Variants in IQANK1 observed in about 807,000 individuals in gnomAD.
IQANK1 encodes the protein IQ motif and ankyrin repeat domain-containing protein 1.
IQANK1 carries 30 observed loss-of-function variants against 22.6 expected under a neutral mutation model. The observed-to-expected ratio is 1.33, with a 90% confidence interval of 0.99 to 1.80. The LOEUF (loss-of-function observed/expected upper bound fraction) is 1.80, where lower values mean the gene tolerates loss of function less well. Among genes scored for constraint, IQANK1 ranks in the 40% most tolerant of loss-of-function variants. The pLI is 0.00. For missense variants in IQANK1, 275 were observed against 235.2 expected (o/e 1.17, Z -1.11); for synonymous variants, 122 against 99.6 (o/e 1.23, Z -1.34).
chr8:143,773,716 C>G (rs564984195), intron 7 of IQANK1, among the ~76,000 whole-genome samples: 1 of 152,338 alleles, frequency 6.6e-6, no homozygotes, highest in South Asian at 2.1e-4. Context: ...GCCTGGGAGC[C>G]TGTCCTGCCC....
chr8:143,754,869 G>A (rs553632070), intron 3 of IQANK1, among the ~76,000 whole-genome samples: 4 of 152,084 alleles, frequency 2.6e-5, no homozygotes, highest in Non-Finnish European at 4.4e-5. Context: ...TTCATGATCC[G>A]CCCACCTCGG....
intron 2 of IQANK1, among the ~76,000 whole-genome samples, chr8:143,737,735 G>A (rs1818779912): frequency 6.6e-6 from 1 of 152,162 alleles, no homozygotes; most frequent in Non-Finnish European, 1.5e-5. Flanking sequence ...GTGTACCCAG[G>A]CCTGCTCCTC....
intron 3 of IQANK1, among the ~76,000 whole-genome samples, chr8:143,770,902 C>T (rs1267531907): frequency 3.9e-5 from 6 of 152,242 alleles, no homozygotes; most frequent in Non-Finnish European, 7.3e-5. Context: ...CAGCGCTGAG[C>T]CCGACGCCCT....
intron 3 of IQANK1, among the ~76,000 whole-genome samples, chr8:143,755,246 T>A (rs1819269487): frequency 6.6e-6 from 1 of 152,214 alleles, no homozygotes; most frequent in South Asian, 2.1e-4. Context: ...CAGCTCCTCT[T>A]GAGCCAGGAC....
At chr8:143,762,939 TC>T (rs1819421109) in intron 3 of IQANK1, among the ~76,000 whole-genome samples, 1 of 150,772 alleles carries the variant, frequency 6.6e-6, no homozygotes, top group African/African-American at 2.5e-5. Flanking sequence ...CTCCCTCTTT[TC>T]TTTTTTTTTC....
intron 3 of IQANK1, among the ~76,000 whole-genome samples, chr8:143,756,448 G>A (rs1459818518): frequency 1.3e-5 from 2 of 152,044 alleles, no homozygotes; most frequent in African/African-American, 4.8e-5. Context: ...GGAGCACCCC[G>A]TGTCACAGGC....
At chr8:143,738,464 G>C (rs1455254555) in intron 2 of IQANK1, among the ~76,000 whole-genome samples, 4 of 152,190 alleles carry the variant, frequency 2.6e-5, no homozygotes, top group African/African-American at 9.6e-5. Context: ...CCACTCGGTG[G>C]GGCCAGGCCA....
At chr8:143,764,362 C>T (rs908483512) in intron 3 of IQANK1, among the ~76,000 whole-genome samples, 3 of 151,892 alleles carry the variant, frequency 2.0e-5, no homozygotes, top group African/African-American at 4.8e-5. Flanking sequence ...TGCCTTAAAC[C>T]CCAGCACTCT....
chr8:143,734,599 T>G (rs1818672346), intron 1 of IQANK1, among the ~76,000 whole-genome samples: 1 of 150,654 alleles, frequency 6.6e-6, no homozygotes. Flanking sequence ...CCCATGCCAG[T>G]CACCCACGAA....
intron 3 of IQANK1, among the ~76,000 whole-genome samples, chr8:143,751,679 A>AT (rs1563771608): frequency 0.018 from 547 of 31,014 alleles, 19 homozygotes; most frequent in Admixed American, 0.17. Context: ...TATATATATA[A>AT]AATCCTATAC....
chr8:143,747,766 A>T (rs1819058420), intron 3 of IQANK1, among the ~76,000 whole-genome samples: 2 of 152,110 alleles, frequency 1.3e-5, no homozygotes, highest in Admixed American at 1.3e-4. Flanking sequence ...GCGTGATTTT[A>T]AAAAATCTAT....
chr8:143,735,361 A>G lies in IQANK1; in HGVS notation c.-4-489A>G, dbSNP rs971243083. Among the ~76,000 whole-genome samples, 28 of 152,116 alleles carry G rather than the reference A, an allele frequency of 1.8e-4. No homozygotes were observed. The highest frequency in any genetic ancestry group is 6.8e-4 in the African/African-American group (28 of 41,424). On this transcript the variant is annotated intron_variant, in intron 1 of 13. Coordinates refer to ENST00000527139, the MANE Select transcript of IQANK1 (RefSeq NM_001381874.1). This position sits in a 1 kb window ranked among gnomAD's most constrained non-coding sequence, Gnocchi z 5.2. Reference sequence around the variant, plus strand: ...CACCATCTGCCAGAGCCGGGACCACATAAGGTCTGAGGGTGTGGAGGGGTG... The same window carrying G: ...CACCATCTGCCAGAGCCGGGACCACGTAAGGTCTGAGGGTGTGGAGGGGTG...
chr8:143,782,049 C>A (rs1441286106), intron 7 of IQANK1, among the ~76,000 whole-genome samples: 1 of 152,038 alleles, frequency 6.6e-6, no homozygotes, highest in African/African-American at 2.4e-5. Context: ...AGCTGTATTC[C>A]TAGGTATTTT....
At chr8:143,780,751 T>C (rs960064811) in intron 7 of IQANK1, among the ~76,000 whole-genome samples, 5 of 152,216 alleles carry the variant, frequency 3.3e-5, no homozygotes, top group Non-Finnish European at 7.3e-5. Flanking sequence ...GTTGAGTCCA[T>C]GTCTTTGCTA....
intron 3 of IQANK1, among the ~76,000 whole-genome samples, chr8:143,747,359 A>C (rs992107632): frequency 1.3e-5 from 2 of 151,810 alleles, no homozygotes; most frequent in South Asian, 2.1e-4. Flanking sequence ...TATATTCTCT[A>C]TTTTGTCTAT....
chr8:143,772,293 C>T, intron 6 of IQANK1, 50 bp downstream of exon 6: 1 of 398,420 alleles, frequency 2.5e-6, no homozygotes, highest in Non-Finnish European at 4.4e-6. Context: ...CGGTCCAGGG[C>T]CCTCAGGGGC....
chr8:143,769,364 A>G (rs1819532004), intron 3 of IQANK1, among the ~76,000 whole-genome samples: 1 of 151,394 alleles, frequency 6.6e-6, no homozygotes, highest in African/African-American at 2.4e-5. Context: ...TTGGCCCTAT[A>G]TATATTTTTT....
chr8:143,775,877 T>C lies in IQANK1; in HGVS notation c.789+3395T>C, dbSNP rs183946638. Among the ~76,000 whole-genome samples, 39 of 151,378 alleles carry C rather than the reference T, an allele frequency of 2.6e-4. No homozygotes were observed. The East Asian group carries it at 7.0e-3, about 27-fold the overall frequency. On this transcript the variant is annotated intron_variant, in intron 7 of 13. Transcript: ENST00000527139. ...ATGTCTGAGATGAAAAGTACATTGA[T>C]ACACTGGATGGGATTAATGGAAGAT...
chr8:143,777,548 T>TG (rs1449699677), intron 7 of IQANK1, among the ~76,000 whole-genome samples: 2 of 126,706 alleles, frequency 1.6e-5, no homozygotes, highest in African/African-American at 5.5e-5. Context: ...AACAAACCAC[T>TG]AAAAAAAAAT....
Sources: gnomAD v4.1 joint callset for allele counts (sites outside exome capture counted in the v4.1 genomes callset) on GRCh38, gnomAD v4.1.1 for gene constraint, Gnocchi (gnomAD v3.1) non-coding constraint, MANE v1.5 for transcripts, NCBI Gene and HGNC (gene_info 2026-07-23, HGNC 2026-07-21) for gene names.